The following GABRG2 variants were observed in gnomAD, a reference collection of about 807,000 sequenced individuals.
GABRG2 encodes the protein gamma-aminobutyric acid receptor subunit gamma-2.
A neutral mutation model predicts 56.4 loss-of-function variants in GABRG2; 16 were observed. That is an observed-to-expected ratio of 0.28 (90% CI 0.19 to 0.43). The LOEUF is 0.43. Among genes scored for constraint, GABRG2 ranks in the 20% least tolerant of loss-of-function variants. The probability of loss-of-function intolerance (pLI) is 1.00; values close to 1 mark genes in which losing one functional copy is unlikely to be tolerated. For missense variants in GABRG2, 327 were observed against 582.7 expected (o/e 0.56, Z 4.52); for synonymous variants, 208 against 205.5 (o/e 1.01, Z -0.10).
At chr5:162,136,650 C>G (rs969041448) in intron 6 of GABRG2, among the ~76,000 whole-genome samples, 1 of 152,024 alleles carries the variant, frequency 6.6e-6, no homozygotes, top group African/African-American at 2.4e-5. Flanking sequence ...TCAGAGGACA[C>G]AAATAGAATA....
chr5:162,105,944 A>G (rs1018076913), intron 6 of GABRG2, among the ~76,000 whole-genome samples: 1 of 152,108 alleles, frequency 6.6e-6, no homozygotes, highest in Non-Finnish European at 1.5e-5. Context: ...CCAGCACTCT[A>G]AAACAGAACC....
chr5:162,085,361 T>G (rs2113227924), intron 1 of GABRG2, among the ~76,000 whole-genome samples: 1 of 152,000 alleles, frequency 6.6e-6, no homozygotes, highest in South Asian at 2.1e-4. Context: ...TCTACTGAAG[T>G]GCTTTATAAA....
At chr5:162,072,359 C>G (rs1019361065) in intron 1 of GABRG2, among the ~76,000 whole-genome samples, 1 of 151,966 alleles carries the variant, frequency 6.6e-6, no homozygotes, top group African/African-American at 2.4e-5. Context: ...ATTATACATA[C>G]TTATCGTTCT....
At chr5:162,107,498 G>A (rs1761921975) in intron 6 of GABRG2, among the ~76,000 whole-genome samples, 1 of 152,122 alleles carries the variant, frequency 6.6e-6, no homozygotes. Flanking sequence ...CATTTCATAT[G>A]AGAGAATTTG....
At chr5:162,141,110 C>T (rs1764530347) in intron 6 of GABRG2, among the ~76,000 whole-genome samples, 1 of 152,110 alleles carries the variant, frequency 6.6e-6, no homozygotes, top group Admixed American at 6.5e-5. Context: ...CATCTCGGCT[C>T]ACTGCAAGCT....
chr5:162,095,353 G>A (rs906611145), intron 2 of GABRG2, 142 bp from the exon 3 acceptor site: 1 of 657,784 alleles, frequency 1.5e-6, no homozygotes, highest in South Asian at 1.7e-5. Flanking sequence ...TTCAAATGTG[G>A]TGAATTAGTA....
At position 162,097,834 on chromosome 5, in the gene GABRG2, A is replaced by T; in HGVS notation, c.524A>T (p.Asp175Val). The change falls in exon 4 of 10, where the codon GAT becomes GTT. Residue 175 changes from aspartate (D) to valine (V), a missense_variant. Asp to Val is a radical substitution (Grantham distance 152). This residue lies in a region of GABRG2 where 104 missense variants were observed against 209.3 expected (regional missense o/e 0.50). Transcript: ENST00000639213. The stretch of plus-strand genomic sequence containing the variant: ...AACAGGATGCTGAGAATTTGGAATG[A>T]TGGTCGAGTGCTCTACACCCTAAGG... ...TPNRMLRIWNDGRVLYTLRLT... is the reference protein window; with the variant it reads ...TPNRMLRIWNVGRVLYTLRLT... 1 of 1,613,550 alleles carries T rather than the reference A, an allele frequency of 6.2e-7. No homozygotes were observed. The highest frequency in any genetic ancestry group is 8.5e-7 in the Non-Finnish European group (1 of 1,179,734).
At chr5:162,090,142 T>C (rs1760445159) in intron 1 of GABRG2, among the ~76,000 whole-genome samples, 1 of 152,092 alleles carries the variant, frequency 6.6e-6, no homozygotes, top group African/African-American at 2.4e-5. Flanking sequence ...CATAAAACTG[T>C]AATGATGAGA....
rs746892139 is a variant in GABRG2 at position 162,154,892 on chromosome 5, T to C, written c.*1524T>C. On this transcript the variant is annotated 3_prime_UTR_variant, in exon 10 of 10. Coordinates refer to ENST00000639213, the MANE Select transcript of GABRG2 (RefSeq NM_198904.4). Reference sequence around the variant, plus strand: ...ATGACTGTGGCCTCATTAGATTACATTGTAGTTAAACAAAGCAATTTCTCC... The same window carrying C: ...ATGACTGTGGCCTCATTAGATTACACTGTAGTTAAACAAAGCAATTTCTCC... 10 of 152,108 alleles carry C rather than the reference T, an allele frequency of 6.6e-5. No homozygotes were observed. Among genetic ancestry groups the C allele is most frequent in the South Asian group, 2.1e-4 (1 of 4,814 alleles). The allele number at this position is 152,108 out of a possible 1,614,324, so 9.4% of individuals were successfully genotyped here. A position where few individuals can be genotyped will look rare whatever the true frequency, so the allele number is the denominator to read the frequency against.
chr5:162,144,123 A>T (rs1287832546), intron 7 of GABRG2, among the ~76,000 whole-genome samples: 1 of 152,214 alleles, frequency 6.6e-6, no homozygotes, highest in Non-Finnish European at 1.5e-5. Flanking sequence ...CTATGAACAG[A>T]TACATACTGT....
chr5:162,078,597 A>C (rs1354956296), intron 1 of GABRG2, among the ~76,000 whole-genome samples: 1 of 150,534 alleles, frequency 6.6e-6, no homozygotes, highest in Non-Finnish European at 1.5e-5. Context: ...AGTAGAGACG[A>C]GGTTTCACCA....
intron 1 of GABRG2, among the ~76,000 whole-genome samples, chr5:162,074,303 G>A (rs1758912771): frequency 6.6e-6 from 1 of 151,854 alleles, no homozygotes; most frequent in South Asian, 2.1e-4. Context: ...CCATGTAAAT[G>A]CTAAATAAGT....
At chr5:162,108,670 A>G (rs1762007668) in intron 6 of GABRG2, among the ~76,000 whole-genome samples, 1 of 152,176 alleles carries the variant, frequency 6.6e-6, no homozygotes, top group African/African-American at 2.4e-5. Context: ...ATCATTTAAT[A>G]TATCCGAGCC....
intron 1 of GABRG2, among the ~76,000 whole-genome samples, chr5:162,091,774 G>A (rs1055065647): frequency 2.0e-5 from 3 of 151,970 alleles, no homozygotes; most frequent in Non-Finnish European, 4.4e-5. Flanking sequence ...TAGTAATAAC[G>A]GTAATACAGC....
At chr5:162,134,462 A>G (rs1339634856) in intron 6 of GABRG2, among the ~76,000 whole-genome samples, 1 of 152,166 alleles carries the variant, frequency 6.6e-6, no homozygotes, top group Non-Finnish European at 1.5e-5. Context: ...CAAGAATGGT[A>G]TGTATATTAA....
chr5:162,153,021 A>T, intron 9 of GABRG2, 72 bp from the exon 10 acceptor site: 2 of 1,565,492 alleles, frequency 1.3e-6, no homozygotes, highest in East Asian at 4.5e-5. Context: ...CATTGGTGAC[A>T]TTGTGGAAAA....
At position 162,146,277 on chromosome 5, in the gene GABRG2, G is replaced by A. The variant is rs148054827; in HGVS notation, c.923-2831G>A. Among the ~76,000 whole-genome samples, 128 of 151,938 alleles carry A rather than the reference G, an allele frequency of 8.4e-4. 2 individuals are homozygous for A. The highest frequency in any genetic ancestry group is 1.7e-3 in the Non-Finnish European group (114 of 68,008). On this transcript the variant is annotated intron_variant, in intron 7 of 9. Coordinates refer to ENST00000639213, the MANE Select transcript of GABRG2 (RefSeq NM_198904.4). Reference sequence around the variant, plus strand: ...GGTTCAGAGCACAGCATTTGAAGTCGGGCTGCCTAGGTTTGTATCTCATCT... The same window carrying A: ...GGTTCAGAGCACAGCATTTGAAGTCAGGCTGCCTAGGTTTGTATCTCATCT...
Position 162,151,658 on chromosome 5 carries a change from T to C in GABRG2, c.1129-72T>C, listed in dbSNP as rs947064937. On this transcript the variant is annotated intron_variant, in intron 8 of 9. Coordinates refer to ENST00000639213, the MANE Select transcript of GABRG2 (RefSeq NM_198904.4). ...ATTTTTAATTTATCTTGTCTCTCTC[T>C]TTTTTTTTCATTTTTTTTCTCCTTT... 5.6e-6 allele frequency: 7 copies of C among 1,259,314 alleles called. No individual in the cohort carries two copies. In the South Asian group the frequency reaches 6.6e-5, roughly 12 times the overall value. The allele number at this position is 1,259,314 out of a possible 1,614,324, so 78.0% of individuals were successfully genotyped here.
intron 4 of GABRG2, chr5:162,099,797 A>G (rs890827659): frequency 9.2e-5 from 14 of 152,312 alleles, no homozygotes; most frequent in African/African-American, 3.4e-4. Context: ...AATGGTTACC[A>G]GTCTACATAG....
Sources: allele counts gnomAD v4.1 joint callset (sites outside exome capture counted in the v4.1 genomes callset), GRCh38; gene constraint gnomAD v4.1.1; regional missense constraint gnomAD v4.1.1; transcripts MANE v1.5; gene names NCBI Gene and HGNC (gene_info 2026-07-23, HGNC 2026-07-21).